SLCO2A1: variants seen among roughly 807,000 people sequenced by gnomAD.
SLCO2A1 encodes solute carrier organic anion transporter family member 2A1, also known as matrin F/G 1.
A neutral mutation model predicts 71.7 loss-of-function variants in SLCO2A1; 60 were observed. The ratio of observed to expected loss-of-function variants is 0.84; its 90% CI spans 0.68 to 1.04. The LOEUF is 1.04. Ranked by LOEUF, SLCO2A1 falls within the 50% of genes least tolerant of loss-of-function variation. SLCO2A1 has a pLI of 0.00. For missense variants in SLCO2A1, 745 were observed against 813.4 expected (o/e 0.92, Z 1.02); for synonymous variants, 308 against 326.7 (o/e 0.94, Z 0.62).
chr3:133,952,873 G>A (rs552561700), intron 5 of SLCO2A1, among the ~76,000 whole-genome samples: 1 of 152,222 alleles, frequency 6.6e-6, no homozygotes, highest in South Asian at 2.1e-4. Context: ...ATGAGACCCA[G>A]GCAGTCCCGT....
intron 10 of SLCO2A1, among the ~76,000 whole-genome samples, chr3:133,943,431 G>A (rs552832649): frequency 6.6e-6 from 1 of 152,300 alleles, no homozygotes; most frequent in Non-Finnish European, 1.5e-5. Context: ...CAGTGTCCAA[G>A]CAGTTACAAG....
intron 12 of SLCO2A1, 31 bp downstream of exon 12, chr3:133,938,398 C>T (rs1933328065): frequency 6.2e-7 from 1 of 1,608,424 alleles, no homozygotes; most frequent in African/African-American, 1.3e-5. Flanking sequence ...CCTGGGGCCA[C>T]TTCTTGGGAA....
intron 6 of SLCO2A1, chr3:133,949,211 T>G: frequency 1.8e-6 from 1 of 544,490 alleles, no homozygotes. Flanking sequence ...CCTCCCACGA[T>G]ACCTGTGGGC....
intron 1 of SLCO2A1, among the ~76,000 whole-genome samples, chr3:134,029,343 C>T (rs1336032412): frequency 6.6e-6 from 1 of 152,174 alleles, no homozygotes; most frequent in African/African-American, 2.4e-5. Context: ...GCCGAAAAAG[C>T]GTTCCTCGAG....
intron 1 of SLCO2A1, among the ~76,000 whole-genome samples, chr3:134,016,236 T>G (rs769611645): frequency 6.6e-6 from 1 of 151,926 alleles, no homozygotes; most frequent in Non-Finnish European, 1.5e-5. Context: ...GTTAAGAGGA[T>G]GAAAAAATAA....
At chr3:134,006,425 TTTTC>T (rs947784611) in intron 1 of SLCO2A1, among the ~76,000 whole-genome samples, 21 of 152,166 alleles carry the variant, frequency 1.4e-4, no homozygotes, top group Admixed American at 1.1e-3. Context: ...TCTAGAACTC[TTTTC>T]GTCTTGCAAA....
At chr3:133,997,285 G>GC (rs1021774132) in intron 1 of SLCO2A1, among the ~76,000 whole-genome samples, 1 of 152,094 alleles carries the variant, frequency 6.6e-6, no homozygotes, top group Non-Finnish European at 1.5e-5. Flanking sequence ...GACATTCTCT[G>GC]CCCCCAGTCT....
Position 133,935,873 on chromosome 3 carries a change from T to A in SLCO2A1, c.1715A>T (p.Tyr572Phe). 6.2e-7 allele frequency: 1 copy of A among 1,607,380 alleles called. No homozygotes were observed. Among genetic ancestry groups the A allele is most frequent in the Non-Finnish European group, 8.5e-7 (1 of 1,176,092 alleles). ...LLAWLPSPAL[Y>F]GLTIDHSCIR... ...GCAGGAGTGGTCAATGGTGAGGCCA[T>A]AGAGGGCTGGAGATGGCAGCCAGGC... is the stretch of plus-strand genomic sequence containing the variant. Residue 572 changes from tyrosine (Y) to phenylalanine (F), a missense_variant, in exon 13 of 14, where the codon TAT becomes TTT. Physicochemically the swap from Tyr to Phe is conservative, Grantham distance 22. Transcript: ENST00000310926.
At chr3:134,014,606 C>A (rs1001751530) in intron 1 of SLCO2A1, among the ~76,000 whole-genome samples, 2 of 152,208 alleles carry the variant, frequency 1.3e-5, no homozygotes, top group African/African-American at 2.4e-5. Flanking sequence ...CTAACTGGCC[C>A]TGCTCCTAGT....
At chr3:133,991,325 C>T (rs1559949290) in intron 1 of SLCO2A1, among the ~76,000 whole-genome samples, 1 of 152,190 alleles carries the variant, frequency 6.6e-6, no homozygotes, top group Non-Finnish European at 1.5e-5. Flanking sequence ...CAGCCGTTGG[C>T]CTGCTCACCC....
At position 133,945,120 on chromosome 3, in the gene SLCO2A1, A is replaced by C; in HGVS notation, c.1436T>G (p.Met479Arg). 6.2e-7 allele frequency: 1 copy of C among 1,613,818 alleles called. No individual in the cohort carries two copies. Among genetic ancestry groups the C allele is most frequent in the Non-Finnish European group, 8.5e-7 (1 of 1,179,816 alleles). The change falls in exon 10 of 14, where the codon ATG becomes AGG. Residue 479 changes from methionine to arginine, a missense_variant. Met to Arg is a moderately conservative substitution (Grantham distance 91). Coordinates refer to ENST00000310926, the MANE Select transcript of SLCO2A1 (RefSeq NM_005630.3). ...CAGTTGCTTGGAGGTTGCAGAGCTC[A>C]TGTTGATGTTGCTGCAGCCGGCATG... ...PCHAGCSNIN[M>R]SSATSKQLIY...
chr3:133,973,326 G>T (rs1361798619), intron 3 of SLCO2A1, among the ~76,000 whole-genome samples: 1 of 152,196 alleles, frequency 6.6e-6, no homozygotes, highest in Non-Finnish European at 1.5e-5. Flanking sequence ...ATTAAACATG[G>T]ACAAAATCCA....
chr3:133,967,609 T>C (rs1368717326), intron 3 of SLCO2A1, among the ~76,000 whole-genome samples: 1 of 151,088 alleles, frequency 6.6e-6, no homozygotes, highest in Non-Finnish European at 1.5e-5. Context: ...ATAACACCCA[T>C]GTGTTTTGTG....
At chr3:134,029,510 TCACA>T (rs1259104039) in intron 1 of SLCO2A1, among the ~76,000 whole-genome samples, 193 bp downstream of exon 1, 13 of 144,370 alleles carry the variant, frequency 9.0e-5, no homozygotes, top group Admixed American at 6.4e-4. Flanking sequence ...ACACACACGC[TCACA>T]CACACACACG....
chr3:133,961,859 T>C (rs75248887), intron 3 of SLCO2A1, among the ~76,000 whole-genome samples: 6,595 of 152,072 alleles, frequency 0.043, 467 homozygotes, highest in African/African-American at 0.15. Context: ...CTGACACATA[T>C]AAAAAAGGGA....
chr3:133,962,530 C>T (rs34603519), intron 3 of SLCO2A1, among the ~76,000 whole-genome samples: 16,850 of 152,182 alleles, frequency 0.11, 1,276 homozygotes, highest in Non-Finnish European at 0.16. Flanking sequence ...GCACCAACCC[C>T]GTGGGCAGCC....
intron 1 of SLCO2A1, among the ~76,000 whole-genome samples, chr3:134,003,430 G>C (rs1935143039): frequency 6.6e-6 from 1 of 152,178 alleles, no homozygotes; most frequent in African/African-American, 2.4e-5. Context: ...TTATGGCTCT[G>C]GCAGAATTTG....
At position 134,020,112 on chromosome 3, in the gene SLCO2A1, C is replaced by T. The variant is rs565564703; in HGVS notation, c.96+9595G>A. Among the ~76,000 whole-genome samples, 24 of 152,148 alleles carry T rather than the reference C, an allele frequency of 1.6e-4. No individual in the cohort carries two copies. The East Asian group carries it at 3.5e-3, about 22-fold the overall frequency. ...TCCTGTTTTGTTCCGATCTAATTAC[C>T]GGTGCATGCAGCCCCCAGTCACGCA... is the stretch of plus-strand genomic sequence containing the variant. On this transcript the variant is annotated intron_variant, in intron 1 of 13. Transcript: ENST00000310926.
At chr3:133,963,546 G>A (rs145850138) in intron 3 of SLCO2A1, among the ~76,000 whole-genome samples, 362 of 152,356 alleles carry the variant, frequency 2.4e-3, no homozygotes, top group Non-Finnish European at 4.5e-3. Flanking sequence ...TGCCAGGAAA[G>A]AGGAGGGCTC....
Sources: allele counts gnomAD v4.1 joint callset (sites outside exome capture counted in the v4.1 genomes callset), GRCh38; gene constraint gnomAD v4.1.1; transcripts MANE v1.5; gene names NCBI Gene and HGNC (gene_info 2026-07-23, HGNC 2026-07-21).